DOCK4: variants seen among roughly 807,000 people sequenced by gnomAD.
DOCK4 encodes dedicator of cytokinesis 4.
Under a neutral mutation model 268.1 loss-of-function variants are expected in DOCK4, and 97 were observed. The ratio of observed to expected loss-of-function variants is 0.36; its 90% CI spans 0.31 to 0.43. The LOEUF (loss-of-function observed/expected upper bound fraction) is 0.43, where lower values mean the gene tolerates loss of function less well. DOCK4 is among the 20% of genes least tolerant of loss of function. The pLI, the probability that DOCK4 is intolerant of heterozygous loss-of-function variation, is 1.00. For missense variants in DOCK4, 2,145 were observed against 2,455.7 expected (o/e 0.87, Z 2.67); for synonymous variants, 954 against 887.2 (o/e 1.08, Z -1.34).
intron 1 of DOCK4, among the ~76,000 whole-genome samples, chr7:112,057,842 C>T (rs1043910487): frequency 6.6e-6 from 1 of 151,528 alleles, no homozygotes; most frequent in African/African-American, 2.4e-5. Context: ...ACTAAAAGTA[C>T]ATAATCATAT....
intron 8 of DOCK4, among the ~76,000 whole-genome samples, chr7:111,960,073 A>G (rs1796746425): frequency 6.6e-6 from 1 of 152,082 alleles, no homozygotes. Context: ...TTTAGAATTG[A>G]TAAATAAATG....
intron 1 of DOCK4, among the ~76,000 whole-genome samples, chr7:112,012,613 A>G (rs899530557): frequency 1.3e-5 from 2 of 152,220 alleles, no homozygotes; most frequent in South Asian, 4.1e-4. Context: ...TTTTAATAAA[A>G]TATCATTTTC....
chr7:112,153,386 T>C (rs933444799), intron 1 of DOCK4, among the ~76,000 whole-genome samples: 1 of 152,316 alleles, frequency 6.6e-6, no homozygotes, highest in Admixed American at 6.5e-5. Flanking sequence ...TAGACAAAAT[T>C]AAATTTAGTT....
intron 26 of DOCK4, among the ~76,000 whole-genome samples, 178 bp downstream of exon 26, chr7:111,834,410 T>C (rs554073191): frequency 6.6e-5 from 10 of 152,284 alleles, no homozygotes; most frequent in East Asian, 1.9e-4. Flanking sequence ...GCTTGAGTAA[T>C]AGAAATCTTT....
At chr7:111,838,288 T>G (rs1031073931) in intron 25 of DOCK4, among the ~76,000 whole-genome samples, 2 of 152,088 alleles carry the variant, frequency 1.3e-5, no homozygotes, top group Non-Finnish European at 2.9e-5. Flanking sequence ...TTGGAAGACT[T>G]ACACTTACTG....
chr7:111,903,648 A>G (rs1400518778), intron 13 of DOCK4, among the ~76,000 whole-genome samples: 1 of 152,234 alleles, frequency 6.6e-6, no homozygotes, highest in Non-Finnish European at 1.5e-5. Flanking sequence ...TAGAATCAAC[A>G]GCAAATCAAC....
chr7:111,816,053 T>C (rs917768316), intron 27 of DOCK4, among the ~76,000 whole-genome samples: 2 of 152,208 alleles, frequency 1.3e-5, no homozygotes, highest in African/African-American at 4.8e-5. Context: ...CTGGTGTACA[T>C]GAAATCAAAG....
At chr7:111,928,555 C>T (rs1298431876) in intron 12 of DOCK4, among the ~76,000 whole-genome samples, 1 of 150,618 alleles carries the variant, frequency 6.6e-6, no homozygotes, top group Non-Finnish European at 1.5e-5. Context: ...GATATGACAA[C>T]TGCATGCAAA....
At chr7:111,912,967 C>CTT (rs754624578) in intron 13 of DOCK4, among the ~76,000 whole-genome samples, 3 of 141,542 alleles carry the variant, frequency 2.1e-5, no homozygotes, top group Non-Finnish European at 3.1e-5. Flanking sequence ...TAGAAATTTC[C>CTT]TTTTTTTTTT....
At chr7:112,141,124 CCT>C (rs1418305855) in intron 1 of DOCK4, among the ~76,000 whole-genome samples, 1 of 152,154 alleles carries the variant, frequency 6.6e-6, no homozygotes, top group Non-Finnish European at 1.5e-5. Flanking sequence ...CAACATCCTG[CCT>C]CTCTAATCAG....
At chr7:111,976,506 A>G (rs1465234071) in intron 8 of DOCK4, 2 of 151,586 alleles carry the variant, frequency 1.3e-5, no homozygotes, top group African/African-American at 4.8e-5. Flanking sequence ...AATTTTAGAC[A>G]AAAAAGTTTT....
chr7:111,812,120 G>A (rs978043749), intron 27 of DOCK4, among the ~76,000 whole-genome samples, 171 bp from the exon 28 acceptor site: 16 of 152,148 alleles, frequency 1.1e-4, no homozygotes, highest in Non-Finnish European at 2.4e-4. Context: ...AATAAAAGGG[G>A]AAGAAATCTA....
At chr7:112,162,328 T>C (rs1173299541) in intron 1 of DOCK4, among the ~76,000 whole-genome samples, 2 of 152,162 alleles carry the variant, frequency 1.3e-5, no homozygotes, top group Middle Eastern at 3.4e-3. Flanking sequence ...CTGTCACTCT[T>C]GGTACCCCAG....
At chr7:111,777,380 C>A (rs1435553921) in intron 36 of DOCK4, among the ~76,000 whole-genome samples, 1 of 152,094 alleles carries the variant, frequency 6.6e-6, no homozygotes, top group Non-Finnish European at 1.5e-5. Context: ...AATATTATAA[C>A]AGAAGGAACC....
At chr7:111,984,468 A>G (rs6977506) in intron 6 of DOCK4, 78 bp from the exon 7 acceptor site, 166,350 of 1,244,552 alleles carry the variant, frequency 0.13, 12,111 homozygotes, top group African/African-American at 0.22. Flanking sequence ...TTTTTACTAT[A>G]TCACTTGGAA....
At chr7:112,205,852 C>T (rs1462789796) in intron 1 of DOCK4, among the ~76,000 whole-genome samples, 6 of 152,154 alleles carry the variant, frequency 3.9e-5, no homozygotes, top group Admixed American at 3.3e-4. Context: ...GCGGGCCGGC[C>T]GCGCGCTCCC....
At chr7:111,969,151 G>A (rs1473730730) in intron 8 of DOCK4, among the ~76,000 whole-genome samples, 1 of 135,340 alleles carries the variant, frequency 7.4e-6, no homozygotes, top group East Asian at 2.2e-4. Context: ...CATGGCACAT[G>A]TATACATATG....
At chr7:111,954,947 C>G (rs1796346092) in intron 8 of DOCK4, among the ~76,000 whole-genome samples, 1 of 152,184 alleles carries the variant, frequency 6.6e-6, no homozygotes, top group South Asian at 2.1e-4. Flanking sequence ...TTGACTGGGT[C>G]AGGATGGACC....
rs58173189 is a variant in DOCK4, at chr7:111,872,109, GC to G, written c.1927-20del. ...TGTGAACCTAAAAAAAGAAAATTGA[GC>G]TTTATAAAACTAAATGCAAATCAAG... On this transcript the variant is annotated intron_variant, in intron 19 of 52. Transcript: ENST00000428084. 201,535 of 1,513,290 alleles carry G rather than the reference GC, an allele frequency of 0.13. 14,659 individuals carry two copies. The highest frequency in any genetic ancestry group is 0.28 in the African/African-American group (20,053 of 70,896). The allele number at this position is 1,513,290 out of a possible 1,614,324, so 93.7% of individuals were successfully genotyped here.
Sources: gnomAD v4.1 joint callset for allele counts (sites outside exome capture counted in the v4.1 genomes callset) on GRCh38, gnomAD v4.1.1 for gene constraint, MANE v1.5 for transcripts, NCBI Gene and HGNC (gene_info 2026-07-23, HGNC 2026-07-21) for gene names.